Variants in PPFIBP1 observed in about 807,000 individuals in gnomAD.
PPFIBP1 encodes the protein PPFIB scaffold protein 1.
Under a neutral mutation model 137.8 loss-of-function variants are expected in PPFIBP1, and 112 were observed. The observed-to-expected ratio is 0.81, with a 90% CI of 0.70 to 0.95. The LOEUF (loss-of-function observed/expected upper bound fraction) is 0.95. Among genes scored for constraint, PPFIBP1 ranks in the 40% least tolerant of loss-of-function variants. PPFIBP1 has a pLI of 0.00. For missense variants in PPFIBP1, 1,083 were observed against 1,196.6 expected (o/e 0.91, Z 1.40); for synonymous variants, 378 against 417.3 (o/e 0.91, Z 1.15).
chr12:27,610,139 A>G (rs2054941312), intron 2 of PPFIBP1, among the ~76,000 whole-genome samples: 1 of 152,234 alleles, frequency 6.6e-6, no homozygotes. Context: ...TGGAGATGTC[A>G]GTTGGTTTGC....
At chr12:27,554,989 T>C (rs1163615432) in intron 1 of PPFIBP1, among the ~76,000 whole-genome samples, 3 of 151,928 alleles carry the variant, frequency 2.0e-5, no homozygotes. Flanking sequence ...AGGAATAGGC[T>C]TGTATTTTTT....
At chr12:27,658,433 G>C (rs1253122641) in intron 9 of PPFIBP1, among the ~76,000 whole-genome samples, 3 of 152,172 alleles carry the variant, frequency 2.0e-5, no homozygotes, top group Non-Finnish European at 4.4e-5. Context: ...CACAAGCAGT[G>C]TTCTAGTCAC....
At chr12:27,561,513 C>T (rs2136396037) in intron 1 of PPFIBP1, among the ~76,000 whole-genome samples, 1 of 152,216 alleles carries the variant, frequency 6.6e-6, no homozygotes, top group East Asian at 1.9e-4. Flanking sequence ...TATTTTGTAT[C>T]GTTGGATAAA....
At chr12:27,548,560 T>C (rs922845895) in intron 1 of PPFIBP1, 2 of 152,108 alleles carry the variant, frequency 1.3e-5, no homozygotes, top group Non-Finnish European at 2.9e-5. Flanking sequence ...GTGGGATGAG[T>C]AGACAAAGCC....
intron 7 of PPFIBP1, 51 bp from the exon 8 acceptor site, chr12:27,654,671 G>C (rs773459153): frequency 6.3e-7 from 1 of 1,585,900 alleles, no homozygotes; most frequent in African/African-American, 1.4e-5. Context: ...ATAGGTATAG[G>C]TAACTGTGTT....
chr12:27,602,179 TC>T (rs2054069390), intron 2 of PPFIBP1, among the ~76,000 whole-genome samples: 1 of 152,172 alleles, frequency 6.6e-6, no homozygotes, highest in African/African-American at 2.4e-5. Context: ...GGGCTAACTT[TC>T]TTGACAGCAT....
intron 12 of PPFIBP1, among the ~76,000 whole-genome samples, 177 bp from the exon 13 acceptor site, chr12:27,666,989 A>G (rs1304198689): frequency 8.4e-6 from 1 of 119,496 alleles, no homozygotes; most frequent in Admixed American, 9.4e-5. Flanking sequence ...CTTAGTTTCA[A>G]ATGCTGTTTC....
chr12:27,599,445 A>G (rs770167540), intron 2 of PPFIBP1: 34 of 455,666 alleles, frequency 7.5e-5, no homozygotes, highest in South Asian at 2.6e-4. Context: ...GCTTGCAGTT[A>G]GCAGATCTTG....
At chr12:27,663,747 G>C (rs997079435) in intron 11 of PPFIBP1, among the ~76,000 whole-genome samples, 2 of 152,152 alleles carry the variant, frequency 1.3e-5, no homozygotes, top group Non-Finnish European at 2.9e-5. Context: ...GGCTGAAGTG[G>C]GAGGATGACT....
chr12:27,654,092 A>G (rs1359780692), intron 7 of PPFIBP1, among the ~76,000 whole-genome samples: 1 of 152,210 alleles, frequency 6.6e-6, no homozygotes, highest in Non-Finnish European at 1.5e-5. Context: ...TAGTCCTCAA[A>G]ATTAAAACTG....
chr12:27,638,268 T>C (rs1462109699), intron 4 of PPFIBP1, among the ~76,000 whole-genome samples: 2 of 152,166 alleles, frequency 1.3e-5, no homozygotes, highest in Non-Finnish European at 2.9e-5. Context: ...TCCTAGAATT[T>C]AAGGAACACA....
Position 27,650,042 on chromosome 12 carries a change from G to A in PPFIBP1, c.504G>A (p.Gln168=), listed in dbSNP as rs145205395. 6.2e-7 allele frequency: 1 copy of A among 1,603,408 alleles called. No homozygotes were observed. Among genetic ancestry groups the A allele is most frequent in the East Asian group, 2.2e-5 (1 of 44,784 alleles). Residue 168 remains glutamine (Q), a synonymous_variant, in exon 7 of 30, where the codon CAG becomes CAA. Coordinates refer to ENST00000228425, the MANE Select transcript of PPFIBP1 (RefSeq NM_003622.4). The part of the protein sequence containing the change: ...ELLSRTSLET[Q]KLDLMAEISN... Reference sequence around the variant, plus strand: ...TAAGTAGGACATCCTTAGAAACTCAGAAGTTGGATCTGATGGCTGAAATAT... The same window carrying A: ...TAAGTAGGACATCCTTAGAAACTCAAAAGTTGGATCTGATGGCTGAAATAT...
chr12:27,605,613 T>C (rs1045769783), intron 2 of PPFIBP1, among the ~76,000 whole-genome samples: 215 of 152,272 alleles, frequency 1.4e-3, no homozygotes, highest in African/African-American at 5.0e-3. Flanking sequence ...ATAAAATTAT[T>C]ACATATTTTT....
At chr12:27,587,481 G>T (rs1292478995) in intron 2 of PPFIBP1, among the ~76,000 whole-genome samples, 6 of 151,634 alleles carry the variant, frequency 4.0e-5, no homozygotes, top group Non-Finnish European at 7.4e-5. Context: ...AAATTAGCTG[G>T]GCGTGGTGGC....
intron 1 of PPFIBP1, among the ~76,000 whole-genome samples, chr12:27,536,083 A>G (rs1461173719): frequency 6.6e-6 from 1 of 152,172 alleles, no homozygotes; most frequent in Admixed American, 6.5e-5. Context: ...AATGGAAGTC[A>G]TTGCCTCTTT....
chr12:27,645,548 G>C (rs766561638), intron 4 of PPFIBP1, among the ~76,000 whole-genome samples: 7 of 152,162 alleles, frequency 4.6e-5, no homozygotes, highest in Non-Finnish European at 8.8e-5. Flanking sequence ...CGAATTATAG[G>C]CTCTGCCCTG....
At chr12:27,590,706 C>G (rs1334174585) in intron 2 of PPFIBP1, among the ~76,000 whole-genome samples, 1 of 152,116 alleles carries the variant, frequency 6.6e-6, no homozygotes, top group African/African-American at 2.4e-5. Flanking sequence ...GGATGAGTTT[C>G]CCAGGCAGTC....
chr12:27,525,616 C>T (rs1943654387), intron 1 of PPFIBP1, among the ~76,000 whole-genome samples: 1 of 151,852 alleles, frequency 6.6e-6, no homozygotes, highest in African/African-American at 2.4e-5. Context: ...CCTACTGTTG[C>T]CAGGTCTGGA....
At chr12:27,595,690 A>G (rs1488521558) in intron 2 of PPFIBP1, among the ~76,000 whole-genome samples, 1 of 151,936 alleles carries the variant, frequency 6.6e-6, no homozygotes, top group Non-Finnish European at 1.5e-5. Context: ...CCCCATCTCT[A>G]CTAAAAATAC....
Sources: allele counts gnomAD v4.1 joint callset (sites outside exome capture counted in the v4.1 genomes callset), GRCh38; gene constraint gnomAD v4.1.1; transcripts MANE v1.5; gene names NCBI Gene and HGNC (gene_info 2026-07-23, HGNC 2026-07-21).